NFATC2: variants seen among roughly 807,000 people sequenced by gnomAD.
The protein encoded by NFATC2 is nuclear factor of activated T cells 2.
NFATC2 carries 22 observed loss-of-function variants against 87.3 expected under a neutral mutation model. The ratio of observed to expected loss-of-function variants is 0.25; its 90% CI spans 0.18 to 0.36. The LOEUF (loss-of-function observed/expected upper bound fraction) is 0.36, where lower values mean the gene tolerates loss of function less well. Among genes scored for constraint, NFATC2 ranks in the 10% least tolerant of loss-of-function variants. The pLI is 1.00. For missense variants in NFATC2, 1,149 were observed against 1,259.1 expected, an observed-to-expected ratio of 0.91 and a Z score of 1.32; for synonymous variants, 565 against 542.2, an observed-to-expected ratio of 1.04 and a Z score of -0.58.
At position 51,523,389 on chromosome 20, in the gene NFATC2, T is replaced by C. The variant is rs912945545; in HGVS notation, c.852A>G (p.Ala284=). 15 of 1,609,660 alleles carry C rather than the reference T, an allele frequency of 9.3e-6. No homozygotes were observed. The highest frequency in any genetic ancestry group is 1.3e-5 in the Non-Finnish European group (15 of 1,177,972). The change falls in exon 2 of 11, where the codon GCA becomes GCG. Residue 284 remains alanine (A), a synonymous_variant. Coordinates refer to ENST00000371564, the MANE Select transcript of NFATC2 (RefSeq NM_012340.5). This position sits in a 1 kb window ranked among gnomAD's most constrained non-coding sequence, Gnocchi z 6.9. ...SPSPQPSSHV[A]PQDHGSPAGY... ...CAGCCGGGGAGCCGTGGTCCTGGGGTGCCACGTGAGATGAGGGCTGCGGCG... is the reference window on the plus strand; with the variant it reads ...CAGCCGGGGAGCCGTGGTCCTGGGGCGCCACGTGAGATGAGGGCTGCGGCG...
chr20:51,448,651 CA>C (rs1489757448), intron 6 of NFATC2, among the ~76,000 whole-genome samples: 3 of 149,632 alleles, frequency 2.0e-5, no homozygotes, highest in African/African-American at 4.9e-5. Context: ...AACTCCGTCT[CA>C]AAAAAAAAGA....
At chr20:51,395,280 G>A (rs1986892734) in intron 10 of NFATC2, among the ~76,000 whole-genome samples, 1 of 149,344 alleles carries the variant, frequency 6.7e-6, no homozygotes, top group Non-Finnish European at 1.5e-5. Context: ...GCAGGTGACA[G>A]GGGATTGGGA....
intron 9 of NFATC2, among the ~76,000 whole-genome samples, chr20:51,426,295 T>C (rs1220472444): frequency 6.6e-6 from 1 of 152,216 alleles, no homozygotes; most frequent in African/African-American, 2.4e-5. Context: ...CTGGCCACTA[T>C]GGCGAAACCA....
At chr20:51,415,445 G>A (rs1033165111) in intron 9 of NFATC2, among the ~76,000 whole-genome samples, 8 of 152,074 alleles carry the variant, frequency 5.3e-5, no homozygotes, top group African/African-American at 1.9e-4. Context: ...GCTTCCTGAA[G>A]ACAGATGAGG....
At chr20:51,398,316 A>G (rs1385272610) in intron 10 of NFATC2, among the ~76,000 whole-genome samples, 1 of 152,082 alleles carries the variant, frequency 6.6e-6, no homozygotes. Context: ...TTAACTGGAC[A>G]CCCACAACAA....
At position 51,516,810 on chromosome 20, in the gene NFATC2, G is replaced by C. The variant is rs777916703; in HGVS notation, c.1306C>G (p.Pro436Ala). ...TEGSRGAVKA[P>A]TGGHPVVQLH... ...TGAACCACAGGGTGGCCTCCAGTTGGAGCTTTGACAGCCCCTCGGCTGCCT... is the reference window on the plus strand; with the variant it reads ...TGAACCACAGGGTGGCCTCCAGTTGCAGCTTTGACAGCCCCTCGGCTGCCT... The change falls in exon 3 of 11, where the codon CCA becomes GCA. Residue 436 changes from proline (P) to alanine (A), a missense_variant. Transcript: ENST00000371564. The C allele has an allele frequency of 6.2e-7, 1 of 1,612,196 alleles. No homozygotes were observed. Among genetic ancestry groups the C allele is most frequent in the South Asian group, 1.1e-5 (1 of 90,918 alleles).
At chr20:51,551,440 G>A (rs1014344379) in intron 1 of NFATC2, among the ~76,000 whole-genome samples, 5 of 152,006 alleles carry the variant, frequency 3.3e-5, no homozygotes, top group African/African-American at 1.2e-4. Flanking sequence ...GTCCCACTCA[G>A]TCACCCAGGA....
intron 6 of NFATC2, among the ~76,000 whole-genome samples, chr20:51,454,143 C>A (rs1283488241): frequency 6.6e-6 from 1 of 152,152 alleles, no homozygotes; most frequent in African/African-American, 2.4e-5. Context: ...CCTCGGATCA[C>A]CAAGCAAGCA....
At chr20:51,525,337 C>A (rs376131142) in intron 1 of NFATC2, among the ~76,000 whole-genome samples, 1 of 152,188 alleles carries the variant, frequency 6.6e-6, no homozygotes, top group East Asian at 1.9e-4. Flanking sequence ...AAGGCCCTAC[C>A]GCTGCAGAAT....
intron 9 of NFATC2, among the ~76,000 whole-genome samples, chr20:51,399,690 C>G (rs2146232914): frequency 6.6e-6 from 1 of 152,322 alleles, no homozygotes; most frequent in Non-Finnish European, 1.5e-5. Flanking sequence ...CATCTCTCCT[C>G]CTTTTCTGAC....
intron 5 of NFATC2, 105 bp downstream of exon 5, chr20:51,473,875 C>T: frequency 2.4e-6 from 3 of 1,253,414 alleles, no homozygotes; most frequent in Non-Finnish European, 3.3e-6. Flanking sequence ...CCCACACATT[C>T]CCGCAGGCCA....
Position 51,474,068 on chromosome 20 carries a change from C to T in NFATC2, c.1620G>A (p.Thr540=), listed in dbSNP as rs147634183. 11 of 1,614,132 alleles carry T rather than the reference C, an allele frequency of 6.8e-6. No individual in the cohort carries two copies. Among genetic ancestry groups the T allele is most frequent in the Admixed American group, 6.7e-5 (4 of 60,006 alleles). ...KGETDIGRKN[T]RVRLVFRVHI... The stretch of plus-strand genomic sequence containing the variant: ...GAACTCGGAAAACCAGTCTCACCCG[C>T]GTGTTCTTTCTTCCAATGTCCGTCT... Residue 540 remains threonine (T), a synonymous_variant, in exon 5 of 11, where the codon ACG becomes ACA. Coordinates refer to ENST00000371564, the MANE Select transcript of NFATC2 (RefSeq NM_012340.5).
intron 9 of NFATC2, among the ~76,000 whole-genome samples, chr20:51,418,466 A>G (rs1980355497): frequency 6.6e-6 from 1 of 152,190 alleles, no homozygotes; most frequent in Non-Finnish European, 1.5e-5. Context: ...ACAGAGAATA[A>G]TCCAGCCCGA....
chr20:51,562,792 G>A (rs886573453), upstream of NFATC2: 1 of 583,112 alleles, frequency 1.7e-6, no homozygotes, highest in South Asian at 2.4e-5. The surrounding 1 kb of genome is among the most constrained non-coding windows in gnomAD (Gnocchi z 5.8). Flanking sequence ...CTCCCGGCTC[G>A]GCGGAGTCGG....
chr20:51,425,179 C>T (rs913436604), intron 9 of NFATC2, among the ~76,000 whole-genome samples: 1 of 152,196 alleles, frequency 6.6e-6, no homozygotes, highest in Non-Finnish European at 1.5e-5. Flanking sequence ...AGGGGGAAGA[C>T]ATCTTCTGCT....
At chr20:51,498,320 G>A (rs531194367) in intron 3 of NFATC2, among the ~76,000 whole-genome samples, 5 of 152,294 alleles carry the variant, frequency 3.3e-5, no homozygotes, top group East Asian at 3.9e-4. Flanking sequence ...CCTCTCAACC[G>A]CTGTTCTTGA....
chr20:51,522,431 T>C (rs1600939995), intron 2 of NFATC2, among the ~76,000 whole-genome samples: 1 of 152,132 alleles, frequency 6.6e-6, no homozygotes, highest in East Asian at 1.9e-4. Context: ...GCAGCAGAGA[T>C]GCCCGTGTTC....
chr20:51,510,841 G>A lies in NFATC2; in HGVS notation c.1332+5943C>T, dbSNP rs148262642. ...CTCGATCCGGCTGTTAACAGGGTTC[G>A]TTCTGTAACTAGACAATTCTTAGAA... is the stretch of plus-strand genomic sequence containing the variant. On this transcript the variant is annotated intron_variant, in intron 3 of 10. Transcript: ENST00000371564. Among the ~76,000 whole-genome samples the A allele has an allele frequency of 3.5e-3, 536 of 152,218 alleles. 2 individuals are homozygous for A. Among genetic ancestry groups the A allele is most frequent in the African/African-American group, 0.012 (498 of 41,518 alleles).
chr20:51,491,717 G>T (rs1174044941), intron 3 of NFATC2, among the ~76,000 whole-genome samples: 1 of 151,934 alleles, frequency 6.6e-6, no homozygotes, highest in Non-Finnish European at 1.5e-5. Flanking sequence ...ACGAAAACGG[G>T]CTCCAGGACA....
Sources: allele counts gnomAD v4.1 joint callset (sites outside exome capture counted in the v4.1 genomes callset), GRCh38; gene constraint gnomAD v4.1.1; non-coding constraint Gnocchi (gnomAD v3.1); transcripts MANE v1.5; gene names NCBI Gene and HGNC (gene_info 2026-07-23, HGNC 2026-07-21).